Variants in PCNX2 observed in about 807,000 individuals in gnomAD.
PCNX2 encodes the protein pecanex-like protein 2.
In PCNX2, 168 loss-of-function variants were observed where a neutral mutation model predicts 223.8. The ratio of observed to expected loss-of-function variants is 0.75; its 90% CI spans 0.66 to 0.85. The LOEUF is 0.85. Ranked by LOEUF, PCNX2 falls within the 40% of genes least tolerant of loss-of-function variation. The probability of loss-of-function intolerance (pLI) is 0.00; values close to 1 mark genes in which losing one functional copy is unlikely to be tolerated. For missense variants in PCNX2, 2,507 were observed against 2,675.5 expected (o/e 0.94, Z 1.39); for synonymous variants, 1,006 against 1,052.6 (o/e 0.96, Z 0.86).
At position 233,090,165 on chromosome 1, in the gene PCNX2, C is replaced by T. The variant is rs753991690; in HGVS notation, c.3972G>A (p.Thr1324=). ...GGGTAGAAAAGATTGATGTGGCAAT[C>T]GTCTGAAAGAAAAGCATGGCAGAAT... The part of the protein sequence containing the change: ...IPHSAMLFFQ[T]IATSIFSTPL... Residue 1324 remains threonine, a synonymous_variant, in exon 23 of 34, where the codon ACG becomes ACA. Coordinates refer to ENST00000258229, the MANE Select transcript of PCNX2 (RefSeq NM_014801.4). 47 of 1,612,888 alleles carry T rather than the reference C, an allele frequency of 2.9e-5. No homozygotes were observed. Among genetic ancestry groups the T allele is most frequent in the Non-Finnish European group, 3.7e-5 (44 of 1,179,610 alleles).
At chr1:233,133,107 CATCCTGCTCTCGAA>C (rs1358931335) in intron 21 of PCNX2, among the ~76,000 whole-genome samples, 1 of 151,954 alleles carries the variant, frequency 6.6e-6, no homozygotes, top group Non-Finnish European at 1.5e-5. Flanking sequence ...CCATGTTGCC[CATCCTGCTCTCGAA>C]ATCCTGATCT....
At position 233,141,799 on chromosome 1, in the gene PCNX2, G is replaced by GTGTGTA. The variant is rs368643677; in HGVS notation, c.3518-1945_3518-1944insTACACA. On this transcript the variant is annotated intron_variant, in intron 19 of 33. Coordinates refer to ENST00000258229, the MANE Select transcript of PCNX2 (RefSeq NM_014801.4). ...TGTGTGTGTGTGTGTGTGTGTGTGTGTATATGAAGAGAGACTTGGCATTTA... is the reference window on the plus strand; with the variant it reads ...TGTGTGTGTGTGTGTGTGTGTGTGTGTGTGTATATATGAAGAGAGACTTGGCATTTA... 3.5e-3 allele frequency among the ~76,000 whole-genome samples: 528 copies of GTGTGTA among 150,412 alleles called. 5 individuals are homozygous for GTGTGTA. Among genetic ancestry groups the GTGTGTA allele is most frequent in the African/African-American group, 0.012 (488 of 40,720 alleles).
At chr1:233,237,815 A>T (rs1040937692) in intron 8 of PCNX2, among the ~76,000 whole-genome samples, 1 of 152,136 alleles carries the variant, frequency 6.6e-6, no homozygotes, top group Non-Finnish European at 1.5e-5. Context: ...CCAGGGAAAA[A>T]TCCTGGTCTT....
intron 17 of PCNX2, among the ~76,000 whole-genome samples, chr1:233,170,149 AT>A (rs1429930512): frequency 1.3e-5 from 2 of 152,198 alleles, no homozygotes; most frequent in Admixed American, 1.3e-4. Flanking sequence ...AATGTGCAAG[AT>A]TTGCTCCAGA....
intron 25 of PCNX2, among the ~76,000 whole-genome samples, chr1:233,037,474 G>T (rs1671495289): frequency 6.7e-6 from 1 of 149,078 alleles, no homozygotes; most frequent in African/African-American, 2.4e-5. Context: ...GGGACCTCAG[G>T]CAGGCACAAC....
chr1:233,039,138 GA>G (rs1336216019), intron 25 of PCNX2, among the ~76,000 whole-genome samples: 1 of 152,188 alleles, frequency 6.6e-6, no homozygotes, highest in Non-Finnish European at 1.5e-5. Context: ...CTTTAAGAAT[GA>G]ATTCTGGTAA....
At chr1:233,230,944 A>G (rs1658024668) in intron 9 of PCNX2, among the ~76,000 whole-genome samples, 1 of 152,228 alleles carries the variant, frequency 6.6e-6, no homozygotes, top group African/African-American at 2.4e-5. Flanking sequence ...TGTTCAAATA[A>G]TGCTACTTTC....
In PCNX2 at chr1:233,265,008, C is replaced by T. The variant is rs911283891; in HGVS notation, c.154-1845G>A. ...ATCTCAGCACTTTGGGAGGCCAAGG[C>T]AGAAGGATTGCTTGAGCCCAAGAGT... On this transcript the variant is annotated intron_variant, in intron 1 of 33. Coordinates refer to ENST00000258229, the MANE Select transcript of PCNX2 (RefSeq NM_014801.4). 2.0e-5 allele frequency among the ~76,000 whole-genome samples: 3 copies of T among 152,046 alleles called. No homozygotes were observed. In the South Asian group the frequency reaches 6.2e-4, roughly 32 times the overall value.
At position 233,165,226 on chromosome 1, in the gene PCNX2, C is replaced by T. The variant is rs529858124; in HGVS notation, c.3274-3863G>A. ...AGTAGTTGTAACTATTTTACATTCT[C>T]AACAGCAGCATGTGTGAGTTCCAGT... is the stretch of plus-strand genomic sequence containing the variant. On this transcript the variant is annotated intron_variant, in intron 17 of 33. Coordinates refer to ENST00000258229, the MANE Select transcript of PCNX2 (RefSeq NM_014801.4). Among the ~76,000 whole-genome samples the T allele has an allele frequency of 1.2e-4, 19 of 152,324 alleles. No homozygotes were observed. The South Asian group carries it at 3.9e-3, about 32-fold the overall frequency.
intron 25 of PCNX2, among the ~76,000 whole-genome samples, chr1:233,050,347 AT>A (rs1308062195): frequency 1.3e-5 from 2 of 151,956 alleles, no homozygotes; most frequent in Non-Finnish European, 2.9e-5. Context: ...TCCATACTGA[AT>A]AAAAAAAAAA....
At chr1:233,277,214 C>T (rs1038443244) in intron 1 of PCNX2, among the ~76,000 whole-genome samples, 6 of 152,142 alleles carry the variant, frequency 3.9e-5, no homozygotes, top group Admixed American at 6.6e-5. Flanking sequence ...GATGACACAC[C>T]GCTGAGCCCT....
Position 233,001,696 on chromosome 1 carries a change from C to A in PCNX2, c.4953-15G>T, listed in dbSNP as rs762269648. 4 of 1,536,162 alleles carry A rather than the reference C, an allele frequency of 2.6e-6. 1 individual carries two copies. Among genetic ancestry groups the A allele is most frequent in the Non-Finnish European group, 3.5e-6 (4 of 1,137,304 alleles). On this transcript the variant is annotated splice_polypyrimidine_tract_variant and intron_variant, in intron 28 of 33. Transcript: ENST00000258229. The surrounding 1 kb of genome is among the most constrained non-coding windows in gnomAD (Gnocchi z 4.2). Reference sequence around the variant, plus strand: ...AAGAATCCAGGCTGCAAAACAAAGTCCTATTACTATGGAACAAATTTCAGA... The same window carrying A: ...AAGAATCCAGGCTGCAAAACAAAGTACTATTACTATGGAACAAATTTCAGA...
At position 233,246,982 on chromosome 1, in the gene PCNX2, A is replaced by T. The variant is rs7520092; in HGVS notation, c.2222+3757T>A. ...GCTTCTGCAAAAGACAAAGCTTATT[A>T]CAAATCCAAAGAACTTAGCCCCCCA... On this transcript the variant is annotated intron_variant, in intron 8 of 33. Coordinates refer to ENST00000258229, the MANE Select transcript of PCNX2 (RefSeq NM_014801.4). Among the ~76,000 whole-genome samples, 999 of 152,366 alleles carry T rather than the reference A, an allele frequency of 6.6e-3. 9 individuals are homozygous for T. Among genetic ancestry groups the T allele is most frequent in the African/African-American group, 0.023 (950 of 41,578 alleles).
At chr1:233,077,923 G>A (rs1234301792) in intron 23 of PCNX2, among the ~76,000 whole-genome samples, 1 of 152,158 alleles carries the variant, frequency 6.6e-6, no homozygotes, top group Non-Finnish European at 1.5e-5. Context: ...TGGAGATGAT[G>A]ACAGAATGCT....
At chr1:232,992,170 G>C (rs1182623756) in intron 32 of PCNX2, among the ~76,000 whole-genome samples, 1 of 152,184 alleles carries the variant, frequency 6.6e-6, no homozygotes, top group Non-Finnish European at 1.5e-5. Flanking sequence ...ACCCTCTGCT[G>C]GGGATAAAAG....
At chr1:233,157,005 C>A (rs1678175745) in intron 19 of PCNX2, among the ~76,000 whole-genome samples, 1 of 152,036 alleles carries the variant, frequency 6.6e-6, no homozygotes, top group African/African-American at 2.4e-5. Flanking sequence ...GGAATGGCAT[C>A]CTTAGTAAAG....
rs1233442874 is a variant in PCNX2, at chr1:233,218,169, C to T, written c.2520G>A (p.Lys840=). 7.6e-7 allele frequency: 1 copy of T among 1,320,386 alleles called. No homozygotes were observed. Among genetic ancestry groups the T allele is most frequent in the Non-Finnish European group, 1.0e-6 (1 of 996,410 alleles). 81.8% of individuals were successfully genotyped at this position (1,320,386 alleles called of 1,614,324 possible). A position where few individuals can be genotyped will look rare whatever the true frequency, so the allele number is the denominator to read the frequency against. Residue 840 remains lysine, a synonymous_variant, in exon 11 of 34, where the codon AAG becomes AAA. Coordinates refer to ENST00000258229, the MANE Select transcript of PCNX2 (RefSeq NM_014801.4). ...LALLDRTEDI[K]ENVLAILLIV... ...TGAGTAAAATCGCCAGTACATTCTC[C>T]TTGATGTCTTCAGTTCTGTGCAAAA...
At chr1:233,189,552 C>T (rs115319028) in intron 15 of PCNX2, among the ~76,000 whole-genome samples, 257 of 152,160 alleles carry the variant, frequency 1.7e-3, no homozygotes, top group African/African-American at 5.9e-3. Flanking sequence ...CATCTCAGGT[C>T]CACTTCAGCA....
intron 15 of PCNX2, among the ~76,000 whole-genome samples, chr1:233,194,577 A>G (rs938612892): frequency 3.3e-5 from 5 of 152,214 alleles, no homozygotes; most frequent in Admixed American, 1.3e-4. Context: ...TAAGAGATCA[A>G]TAAAACCAAA....
Sources: gnomAD v4.1 joint callset for allele counts (sites outside exome capture counted in the v4.1 genomes callset) on GRCh38, gnomAD v4.1.1 for gene constraint, Gnocchi (gnomAD v3.1) non-coding constraint, MANE v1.5 for transcripts, NCBI Gene and HGNC (gene_info 2026-07-23, HGNC 2026-07-21) for gene names.